DOCK3: variants seen among roughly 807,000 people sequenced by gnomAD.
The protein encoded by DOCK3 is dedicator of cytokinesis protein 3.
Under a neutral mutation model 265.6 loss-of-function variants are expected in DOCK3, and 60 were observed. The ratio of observed to expected loss-of-function variants is 0.23; its 90% CI spans 0.18 to 0.28. DOCK3 has a LOEUF of 0.28. Among genes scored for constraint, DOCK3 ranks in the 10% least tolerant of loss-of-function variants. The pLI is 1.00. For missense variants in DOCK3, 1,981 were observed against 2,594.3 expected (o/e 0.76, Z 5.14); for synonymous variants, 881 against 938.0 (o/e 0.94, Z 1.11).
intron 27 of DOCK3, among the ~76,000 whole-genome samples, chr3:51,291,609 G>A (rs1193022354): frequency 6.6e-6 from 1 of 152,154 alleles, no homozygotes; most frequent in Non-Finnish European, 1.5e-5. Context: ...GTAATTAAGA[G>A]TCTTCCATCA....
chr3:51,145,706 A>G (rs1576231079), intron 9 of DOCK3, among the ~76,000 whole-genome samples: 1 of 152,096 alleles, frequency 6.6e-6, no homozygotes, highest in Non-Finnish European at 1.5e-5. Flanking sequence ...TAGCCAAAAG[A>G]TTGGACACTG....
intron 22 of DOCK3, among the ~76,000 whole-genome samples, chr3:51,257,002 C>T (rs934011974): frequency 6.6e-6 from 1 of 152,222 alleles, no homozygotes; most frequent in Non-Finnish European, 1.5e-5. Flanking sequence ...AGAACTGTGG[C>T]TGTTTCCAAG....
intron 14 of DOCK3, among the ~76,000 whole-genome samples, 172 bp downstream of exon 14, chr3:51,214,419 T>G (rs915511021): frequency 2.6e-5 from 4 of 152,192 alleles, no homozygotes; most frequent in Admixed American, 1.3e-4. Context: ...CCTTTGGCTC[T>G]TATAGGCATT....
At chr3:51,288,984 G>A (rs1042011455) in intron 27 of DOCK3, among the ~76,000 whole-genome samples, 1 of 151,790 alleles carries the variant, frequency 6.6e-6, no homozygotes, top group Non-Finnish European at 1.5e-5. Flanking sequence ...AGAGGAAAGG[G>A]AGTAGCCTGG....
intron 6 of DOCK3, among the ~76,000 whole-genome samples, chr3:51,072,976 G>C (rs2081934073): frequency 6.6e-6 from 1 of 151,702 alleles, no homozygotes; most frequent in Non-Finnish European, 1.5e-5. Flanking sequence ...CTAAAAGTCT[G>C]GGATTATAGG....
chr3:50,974,372 C>T (rs1485606251), intron 5 of DOCK3, among the ~76,000 whole-genome samples: 1 of 151,892 alleles, frequency 6.6e-6, no homozygotes, highest in Non-Finnish European at 1.5e-5. Flanking sequence ...AGCCAGTTTT[C>T]CCAGCACCAT....
At chr3:51,308,541 T>TCA (rs2082838888) in intron 27 of DOCK3, among the ~76,000 whole-genome samples, 1 of 151,734 alleles carries the variant, frequency 6.6e-6, no homozygotes. Flanking sequence ...GGGGGTAAGG[T>TCA]CATAGATCAA....
Position 51,356,451 on chromosome 3 carries a change from G to C in DOCK3, c.4461G>C (p.Leu1487Phe), listed in dbSNP as rs780695751. The change falls in exon 43 of 53, where the codon TTG (leucine) becomes TTC (phenylalanine). Residue 1487 changes from leucine to phenylalanine, a missense_variant. Physicochemically the swap from Leu to Phe is conservative, Grantham distance 22. Coordinates refer to ENST00000266037, the MANE Select transcript of DOCK3 (RefSeq NM_004947.5). ...ERTTLTLTHS[L>F]PGISRWFEVE... ...CCACACTGACCCTGACCCACAGCTT[G>C]CCTGGCATCTCTCGGTGGTTTGAAG... The C allele has an allele frequency of 6.2e-7, 1 of 1,613,496 alleles. No homozygotes were observed. Among genetic ancestry groups the C allele is most frequent in the South Asian group, 1.1e-5 (1 of 91,050 alleles).
At chr3:50,787,733 T>G (rs2042257991) in intron 2 of DOCK3, 12 of 1,222,482 alleles carry the variant, frequency 9.8e-6, no homozygotes, top group Non-Finnish European at 1.4e-5. Context: ...TCTGTAACGC[T>G]GACTTTCTCT....
At chr3:50,770,139 C>G (rs1014031461) in intron 1 of DOCK3, among the ~76,000 whole-genome samples, 22 of 152,016 alleles carry the variant, frequency 1.4e-4, no homozygotes, top group Admixed American at 1.4e-3. Flanking sequence ...AAGGGCATCC[C>G]TGTTGGAAAG....
At chr3:51,171,222 T>C (rs953144342) in intron 12 of DOCK3, among the ~76,000 whole-genome samples, 1 of 152,178 alleles carries the variant, frequency 6.6e-6, no homozygotes, top group African/African-American at 2.4e-5. Flanking sequence ...GCCTTAAGTC[T>C]TGATAGGTTT....
At chr3:50,706,201 G>A (rs1327431984) in intron 1 of DOCK3, among the ~76,000 whole-genome samples, 3 of 152,060 alleles carry the variant, frequency 2.0e-5, no homozygotes, top group Non-Finnish European at 4.4e-5. Flanking sequence ...TAAACTACCC[G>A]ATCTCAGGGA....
intron 9 of DOCK3, among the ~76,000 whole-genome samples, chr3:51,136,341 C>T (rs2084794442): frequency 6.6e-6 from 1 of 151,990 alleles, no homozygotes; most frequent in African/African-American, 2.4e-5. Flanking sequence ...ATTCTCCTGC[C>T]TCAGCCTCCT....
chr3:50,880,341 G>C (rs542529444), intron 3 of DOCK3, among the ~76,000 whole-genome samples: 27 of 152,250 alleles, frequency 1.8e-4, no homozygotes, highest in African/African-American at 6.3e-4. Flanking sequence ...GCCAGGAGCT[G>C]GTTTTTTGAA....
In DOCK3 at chr3:51,094,995, C is replaced by CT. The variant is rs879555974; in HGVS notation, c.746+4625dup. Among the ~76,000 whole-genome samples the CT allele has an allele frequency of 1.8e-3, 256 of 139,638 alleles. 1 individual carries two copies. The highest frequency in any genetic ancestry group is 3.1e-3 in the East Asian group (15 of 4,776). 91.6% of individuals were successfully genotyped at this position (139,638 alleles called of 152,430 possible). ...TAAGAGACTAGGATTTCAACTCCTG[C>CT]TTTTTTTTTTTTTTACTTTCTATTT... On this transcript the variant is annotated intron_variant, in intron 9 of 52. Transcript: ENST00000266037.
At chr3:50,996,279 G>A (rs189033023) in intron 5 of DOCK3, among the ~76,000 whole-genome samples, 1,594 of 150,876 alleles carry the variant, frequency 0.011, 10 homozygotes, top group Non-Finnish European at 0.016. Flanking sequence ...GTGCAGTGGC[G>A]CTATCTCGGC....
At chr3:51,378,417 C>T (rs1303382391) in intron 51 of DOCK3, among the ~76,000 whole-genome samples, 1 of 152,230 alleles carries the variant, frequency 6.6e-6, no homozygotes, top group Non-Finnish European at 1.5e-5. Context: ...CTAGCTCCTT[C>T]CCTTCCAAAG....
intron 5 of DOCK3, among the ~76,000 whole-genome samples, chr3:50,977,931 C>T (rs1356841376): frequency 2.6e-5 from 4 of 152,048 alleles, no homozygotes; most frequent in South Asian, 2.1e-4. Flanking sequence ...TCCAGTTGAT[C>T]GCATCGGCTC....
At chr3:51,139,746 G>A (rs1448039054) in intron 9 of DOCK3, among the ~76,000 whole-genome samples, 1 of 152,216 alleles carries the variant, frequency 6.6e-6, no homozygotes, top group Non-Finnish European at 1.5e-5. Flanking sequence ...TACTGCTCTT[G>A]CCAACATATC....
Sources: allele counts gnomAD v4.1 joint callset (sites outside exome capture counted in the v4.1 genomes callset), GRCh38; gene constraint gnomAD v4.1.1; transcripts MANE v1.5; gene names NCBI Gene and HGNC (gene_info 2026-07-23, HGNC 2026-07-21).